Variants in RBM25 observed in about 807,000 individuals in gnomAD.
The protein encoded by RBM25 is RNA binding motif protein 25, also known as RNA-binding protein 25.
RBM25 carries 19 observed loss-of-function variants against 120.7 expected under a neutral mutation model. The observed-to-expected ratio is 0.16, with a 90% CI of 0.11 to 0.23. The LOEUF (loss-of-function observed/expected upper bound fraction) is 0.23. Among genes scored for constraint, RBM25 ranks in the 10% least tolerant of loss-of-function variants. RBM25 has a pLI of 1.00. For synonymous variants in RBM25, 390 were observed against 326.7 expected, an observed-to-expected ratio of 1.19 and a Z score of -2.09; for missense variants, 605 against 1,041.5, an observed-to-expected ratio of 0.58 and a Z score of 5.77.
intron 7 of RBM25, 36 bp from the exon 8 acceptor site, chr14:73,099,344 T>G: frequency 6.3e-7 from 1 of 1,584,912 alleles, no homozygotes; most frequent in Non-Finnish European, 8.6e-7. Context: ...TCTGTTTTTC[T>G]TTTTTAAAAA....
At chr14:73,099,901 G>A in intron 9 of RBM25, 151 bp downstream of exon 9, 1 of 1,209,114 alleles carries the variant, frequency 8.3e-7, no homozygotes, top group Non-Finnish European at 1.1e-6. Context: ...AGAAACAGAA[G>A]ACCAATACCA....
chr14:73,073,985 A>G (rs569743419), intron 2 of RBM25, among the ~76,000 whole-genome samples: 3 of 152,328 alleles, frequency 2.0e-5, no homozygotes, highest in African/African-American at 7.2e-5. Flanking sequence ...GGCCCTTTGG[A>G]CAAAGTTTTT....
At chr14:73,096,802 G>A (rs1409879923) in intron 6 of RBM25, 113 bp from the exon 7 acceptor site, 11 of 845,480 alleles carry the variant, frequency 1.3e-5, no homozygotes, top group Non-Finnish European at 2.1e-5. Context: ...GTGTTTAATA[G>A]GACTACAGAG....
chr14:73,088,117 G>A lies in RBM25; in HGVS notation c.499G>A (p.Ala167Thr). 1.9e-6 allele frequency: 3 copies of A among 1,614,122 alleles called. No individual in the cohort carries two copies. Among genetic ancestry groups the A allele is most frequent in the Non-Finnish European group, 2.5e-6 (3 of 1,180,018 alleles). The change falls in exon 6 of 19, where the codon GCA (alanine) becomes ACA (threonine). Residue 167 changes from alanine (A) to threonine (T), a missense_variant. Physicochemically the swap from Ala to Thr is moderately conservative, Grantham distance 58. Coordinates refer to ENST00000261973, the MANE Select transcript of RBM25 (RefSeq NM_021239.3). ...CGTTAAAGTTGATGCAAAGACAAAGGCACAGCTGGATGAATGGAAAGCAAA... is the reference window on the plus strand; with the variant it reads ...CGTTAAAGTTGATGCAAAGACAAAGACACAGCTGGATGAATGGAAAGCAAA... ...LLVKVDAKTK[A>T]QLDEWKAKKK...
chr14:73,065,429 A>ATT (rs112029341), intron 1 of RBM25, among the ~76,000 whole-genome samples: 5 of 134,132 alleles, frequency 3.7e-5, no homozygotes, highest in African/African-American at 1.1e-4. Context: ...TGCCCAGCTA[A>ATT]TTTTTTTTTT....
chr14:73,085,449 T>C (rs1029934738), intron 5 of RBM25, among the ~76,000 whole-genome samples: 1 of 149,040 alleles, frequency 6.7e-6, no homozygotes, highest in African/African-American at 2.4e-5. Context: ...AGAGGCATTT[T>C]TGTTGTTCTT....
At chr14:73,114,448 C>G in intron 18 of RBM25, 115 bp downstream of exon 18, 1 of 682,236 alleles carries the variant, frequency 1.5e-6, no homozygotes, top group Non-Finnish European at 2.3e-6. Flanking sequence ...TCTTAAATTC[C>G]TAGGCTTAAG....
rs748602263 is a variant in RBM25 at position 73,111,043 on chromosome 14, T to C, written c.1905T>C (p.Pro635=). ...CCTCTGCCAGTGGCAATGCAACACCTAACACTCCTGGGGATGAGTCTCCCT... is the reference window on the plus strand; with the variant it reads ...CCTCTGCCAGTGGCAATGCAACACCCAACACTCCTGGGGATGAGTCTCCCT... ...SVSSASGNAT[P]NTPGDESPCG... Residue 635 remains proline (P), a synonymous_variant, in exon 15 of 19, where the codon CCT becomes CCC. Transcript: ENST00000261973. 5.6e-6 allele frequency: 9 copies of C among 1,614,156 alleles called. No individual in the cohort carries two copies. The Admixed American group carries it at 1.5e-4, about 27-fold the overall frequency.
At chr14:73,068,085 G>A (rs774164581) in intron 1 of RBM25, 15 of 608,316 alleles carry the variant, frequency 2.5e-5, no homozygotes, top group African/African-American at 3.7e-5. Flanking sequence ...AAGCACATGA[G>A]CTACGACCAC....
chr14:73,097,146 A>G, intron 7 of RBM25, 46 bp downstream of exon 7: 1 of 1,339,132 alleles, frequency 7.5e-7, no homozygotes. Context: ...TTTGTTTTTT[A>G]TGATATCACT....
intron 17 of RBM25, among the ~76,000 whole-genome samples, chr14:73,113,953 G>A (rs985056224): frequency 1.1e-4 from 16 of 151,982 alleles, no homozygotes; most frequent in African/African-American, 3.6e-4. Flanking sequence ...TTCTATAAAG[G>A]TATAGCTATG....
At chr14:73,098,123 T>C (rs375500392) in intron 7 of RBM25, among the ~76,000 whole-genome samples, 7 of 151,996 alleles carry the variant, frequency 4.6e-5, no homozygotes, top group Non-Finnish European at 8.8e-5. Flanking sequence ...CCCACAAATA[T>C]TGGAAGTGTT....
chr14:73,106,449 C>G (rs543240296), intron 12 of RBM25, among the ~76,000 whole-genome samples, 164 bp downstream of exon 12: 1 of 152,032 alleles, frequency 6.6e-6, no homozygotes, highest in South Asian at 2.1e-4. Flanking sequence ...TTAAGTACAC[C>G]AAAATCTTTT....
rs766730439 is a variant in RBM25 at position 73,106,304 on chromosome 14, A to G, written c.1467+19A>G. The G allele has an allele frequency of 5.7e-5, 89 of 1,551,068 alleles. No homozygotes were observed. The highest frequency in any genetic ancestry group is 7.5e-5 in the Non-Finnish European group (86 of 1,154,314). ...AGAAATGGTAAGATTCTAGGCTAAA[A>G]TAAGTGATTTTTCAGGTAAAAAGTC... On this transcript the variant is annotated intron_variant, in intron 12 of 18. Transcript: ENST00000261973.
rs185245404 is a variant in RBM25, at chr14:73,067,758, C to T, written c.-15-3869C>T. Among the ~76,000 whole-genome samples, 37 of 152,032 alleles carry T rather than the reference C, an allele frequency of 2.4e-4. No homozygotes were observed. In the East Asian group the frequency reaches 5.8e-3, roughly 24 times the overall value. ...AGCTGGGACTACAGGCGCCTGCCAC[C>T]GCACCCAGCTAATTTTTTTTTTTTT... On this transcript the variant is annotated intron_variant, in intron 1 of 18. Coordinates refer to ENST00000261973, the MANE Select transcript of RBM25 (RefSeq NM_021239.3).
chr14:73,112,586 C>T (rs1299944809), intron 17 of RBM25, among the ~76,000 whole-genome samples: 7 of 151,974 alleles, frequency 4.6e-5, no homozygotes, highest in African/African-American at 1.7e-4. Context: ...GCTGTGCCAT[C>T]TTCTTCTTGT....
intron 14 of RBM25, among the ~76,000 whole-genome samples, chr14:73,109,747 C>T (rs1003801020): frequency 7.9e-5 from 12 of 151,980 alleles, no homozygotes; most frequent in African/African-American, 1.4e-4. Context: ...GAGCCGAGAT[C>T]GCGCCACTGC....
At chr14:73,076,066 G>A (rs1895413850) in intron 2 of RBM25, among the ~76,000 whole-genome samples, 1 of 152,158 alleles carries the variant, frequency 6.6e-6, no homozygotes, top group Non-Finnish European at 1.5e-5. Flanking sequence ...AACTATCCAG[G>A]ATTTTATGCT....
chr14:73,089,261 T>TAAATG (rs757163820), intron 6 of RBM25, among the ~76,000 whole-genome samples: 8 of 152,284 alleles, frequency 5.3e-5, no homozygotes, highest in Non-Finnish European at 8.8e-5. Flanking sequence ...AATAATCAAT[T>TAAATG]AAATACCACC....
Sources: allele counts gnomAD v4.1 joint callset (sites outside exome capture counted in the v4.1 genomes callset), GRCh38; gene constraint gnomAD v4.1.1; transcripts MANE v1.5; gene names NCBI Gene and HGNC (gene_info 2026-07-23, HGNC 2026-07-21).